Variants in BPTF observed in about 807,000 individuals in gnomAD.
BPTF encodes bromodomain PHD finger transcription factor.
A neutral mutation model predicts 292.5 loss-of-function variants in BPTF; 18 were observed. The ratio of observed to expected loss-of-function variants is 0.06; its 90% CI spans 0.04 to 0.09. The LOEUF is 0.09. Among genes scored for constraint, BPTF ranks in the 10% least tolerant of loss-of-function variants. The probability of loss-of-function intolerance (pLI) is 1.00; values close to 1 mark genes in which losing one functional copy is unlikely to be tolerated. For synonymous variants in BPTF, 1,225 were observed against 1,251.9 expected (o/e 0.98, Z 0.45); for missense variants, 2,726 against 3,498.7 (o/e 0.78, Z 5.57).
rs1555675453 is a variant in BPTF at position 67,946,319 on chromosome 17, G to GAAA, written c.7612_7614dup (p.Lys2538dup). The GAAA allele has an allele frequency of 6.2e-7, 1 of 1,613,308 alleles. No homozygotes were observed. The highest frequency in any genetic ancestry group is 8.5e-7 in the Non-Finnish European group (1 of 1,179,762). ...CTTCTAATCAAAGTGAAATCATTCAGAAACAGGTAAAGTTATTAAGTAAAA... is the reference window on the plus strand; with the variant it reads ...CTTCTAATCAAAGTGAAATCATTCAGAAAAAACAGGTAAAGTTATTAAGTAAAA... On this transcript the variant is annotated inframe_insertion, in exon 21 of 28. Transcript: ENST00000306378.
chr17:67,931,002 C>T (rs746228986), intron 17 of BPTF, among the ~76,000 whole-genome samples: 2 of 151,932 alleles, frequency 1.3e-5, no homozygotes, highest in South Asian at 2.1e-4. Flanking sequence ...TGCGGTGGCT[C>T]ACACCTGTAA....
chr17:67,852,205 G>T (rs372482515), intron 1 of BPTF, among the ~76,000 whole-genome samples: 2 of 152,042 alleles, frequency 1.3e-5, no homozygotes, highest in Non-Finnish European at 2.9e-5. Context: ...AAGACTATGA[G>T]TAGTCATTAG....
At chr17:67,935,701 C>T (rs560155530) in intron 18 of BPTF, among the ~76,000 whole-genome samples, 6 of 152,158 alleles carry the variant, frequency 3.9e-5, no homozygotes, top group African/African-American at 1.4e-4. Flanking sequence ...ACTAAAAATG[C>T]AAAAATTAAC....
At chr17:67,910,838 A>G in intron 10 of BPTF, 39 bp from the exon 11 acceptor site, 3 of 1,398,352 alleles carry the variant, frequency 2.1e-6, no homozygotes, top group Non-Finnish European at 2.8e-6. Flanking sequence ...CTCCTTTCAG[A>G]GTAAAAATTA....
At chr17:67,829,957 G>GA (rs2056512420) in intron 1 of BPTF, among the ~76,000 whole-genome samples, 2 of 152,070 alleles carry the variant, frequency 1.3e-5, no homozygotes, top group South Asian at 4.1e-4. Flanking sequence ...TCCTTTTATG[G>GA]AAAAAATGTA....
chr17:67,855,688 T>C (rs920213056), intron 2 of BPTF, among the ~76,000 whole-genome samples: 1 of 152,168 alleles, frequency 6.6e-6, no homozygotes, highest in Non-Finnish European at 1.5e-5. Context: ...GGACTGAGTA[T>C]CTGACATCCT....
Position 67,825,535 on chromosome 17 carries a change from C to T in BPTF, c.-190C>T. On this transcript the variant is annotated 5_prime_UTR_variant, in exon 1 of 28. Transcript: ENST00000306378. ...GAGCGAGAGGGAAGAAACAAGATGGCGGCTGAAGGCGATCCGGAGTGGGGC... is the reference window on the plus strand; with the variant it reads ...GAGCGAGAGGGAAGAAACAAGATGGTGGCTGAAGGCGATCCGGAGTGGGGC... 7.1e-6 allele frequency: 3 copies of T among 424,120 alleles called. No homozygotes were observed. The highest frequency in any genetic ancestry group is 1.2e-4 in the East Asian group (1 of 8,534). The allele number at this position is 424,120 out of a possible 1,614,324, so 26.3% of individuals were successfully genotyped here.
intron 7 of BPTF, among the ~76,000 whole-genome samples, chr17:67,896,991 T>G (rs1176285696): frequency 1.3e-5 from 2 of 151,874 alleles, no homozygotes; most frequent in East Asian, 1.9e-4. Context: ...GATAAGATTA[T>G]CAAGGGGGAG....
intron 4 of BPTF, 82 bp downstream of exon 4, chr17:67,875,102 G>A (rs1015408050): frequency 2.3e-5 from 28 of 1,199,260 alleles, no homozygotes; most frequent in Non-Finnish European, 3.2e-5. Flanking sequence ...AAATGAAAGT[G>A]AAATATTGCA....
intron 4 of BPTF, among the ~76,000 whole-genome samples, chr17:67,884,939 A>G (rs1179372017): frequency 6.6e-6 from 1 of 152,012 alleles, no homozygotes; most frequent in African/African-American, 2.4e-5. Flanking sequence ...GTTTCTTCAT[A>G]TAGTTTTATT....
intron 1 of BPTF, among the ~76,000 whole-genome samples, chr17:67,852,102 A>G (rs1453711655): frequency 1.3e-5 from 2 of 152,086 alleles, no homozygotes; most frequent in East Asian, 3.8e-4. Context: ...AAGTGGTTTA[A>G]TTTAATGTCG....
At chr17:67,913,491 T>A (rs933726476) in intron 11 of BPTF, among the ~76,000 whole-genome samples, 1 of 152,214 alleles carries the variant, frequency 6.6e-6, no homozygotes, top group Non-Finnish European at 1.5e-5. Flanking sequence ...GTGGTCTGAT[T>A]TTCTGAGTTA....
At position 67,913,101 on chromosome 17, in the gene BPTF, G is replaced by A; in HGVS notation, c.5217G>A (p.Glu1739=). Residue 1739 remains glutamate, a synonymous_variant, in exon 11 of 28, where the codon GAG becomes GAA. Coordinates refer to ENST00000306378, the MANE Select transcript of BPTF (RefSeq NM_182641.4). The part of the protein sequence containing the change: ...KKLARKGGIR[E]VPYFNYNAKP... ...TGGCCCGAAAAGGAGGAATCCGAGA[G>A]GTCCCTTATTTTAATTACAATGCAA... The A allele has an allele frequency of 6.2e-7, 1 of 1,614,044 alleles. No homozygotes were observed. Among genetic ancestry groups the A allele is most frequent in the Non-Finnish European group, 8.5e-7 (1 of 1,180,012 alleles).
At position 67,825,793 on chromosome 17, in the gene BPTF, C is replaced by CCCGCCGCCACCG. The variant is rs2055935677; in HGVS notation, c.78_89dup (p.Pro28_Pro31dup). 1 of 1,035,000 alleles carries CCCGCCGCCACCG rather than the reference C, an allele frequency of 9.7e-7. No individual in the cohort carries two copies. The highest frequency in any genetic ancestry group is 1.7e-5 in the African/African-American group (1 of 57,840). The allele number at this position is 1,035,000 out of a possible 1,614,324, so 64.1% of individuals were successfully genotyped here. A position where few individuals can be genotyped will look rare whatever the true frequency, so the allele number is the denominator to read the frequency against. ...CCGCTGCGGAGCGCTGCGCCCCGGCCCCGCCGCCACCGCCGCCGCCGCCCA... is the reference window on the plus strand; with the variant it reads ...CCGCTGCGGAGCGCTGCGCCCCGGCCCCGCCGCCACCGCCGCCGCCACCGCCGCCGCCGCCCA... On this transcript the variant is annotated inframe_insertion, in exon 1 of 28. Coordinates refer to ENST00000306378, the MANE Select transcript of BPTF (RefSeq NM_182641.4).
chr17:67,845,384 G>A (rs550652529), intron 1 of BPTF, among the ~76,000 whole-genome samples: 6 of 152,138 alleles, frequency 3.9e-5, no homozygotes, highest in Non-Finnish European at 7.4e-5. Flanking sequence ...TCATTTCTTT[G>A]TTAATTATCT....
At chr17:67,883,277 C>G (rs1311124893) in intron 4 of BPTF, among the ~76,000 whole-genome samples, 11 of 152,124 alleles carry the variant, frequency 7.2e-5, no homozygotes, top group Admixed American at 5.9e-4. Flanking sequence ...GATCACGCCA[C>G]TGCACTTCAG....
At position 67,921,666 on chromosome 17, in the gene BPTF, T is replaced by C. The variant is rs145276365; in HGVS notation, c.5558-1174T>C. Among the ~76,000 whole-genome samples the C allele has an allele frequency of 3.5e-3, 536 of 152,318 alleles. 3 individuals carry two copies. The highest frequency in any genetic ancestry group is 0.01 in the African/African-American group (425 of 41,558). ...ATTAAATTAACTTGGGAGTTCTTCT[T>C]GGAGAATAACCTTTTTGAAAAGAGT... On this transcript the variant is annotated intron_variant, in intron 13 of 27. Transcript: ENST00000306378.
chr17:67,875,686 C>G, intron 4 of BPTF: 1 of 1,606,780 alleles, frequency 6.2e-7, no homozygotes, highest in South Asian at 1.1e-5. Context: ...CAGAAACCCC[C>G]GATAGCAGCA....
intron 4 of BPTF, among the ~76,000 whole-genome samples, chr17:67,880,233 A>C (rs1418630561): frequency 6.6e-6 from 1 of 152,174 alleles, no homozygotes; most frequent in Non-Finnish European, 1.5e-5. Flanking sequence ...TTAAAAAAAC[A>C]CAACTTTGTC....
Sources: gnomAD v4.1 joint callset for allele counts (sites outside exome capture counted in the v4.1 genomes callset) on GRCh38, gnomAD v4.1.1 for gene constraint, MANE v1.5 for transcripts, NCBI Gene and HGNC (gene_info 2026-07-23, HGNC 2026-07-21) for gene names.